The following SORL1 variants were observed in gnomAD, a reference collection of about 807,000 sequenced individuals.
SORL1 encodes sortilin related receptor 1, also known as sortilin-related receptor.
SORL1 carries 127 observed loss-of-function variants against 273.7 expected under a neutral mutation model. That is an observed-to-expected ratio of 0.46 (90% CI 0.40 to 0.54). The LOEUF (loss-of-function observed/expected upper bound fraction) is 0.54, where lower values mean the gene tolerates loss of function less well. Ranked by LOEUF, SORL1 falls within the 20% of genes least tolerant of loss-of-function variation. SORL1 has a pLI of 0.00. For missense variants in SORL1, 2,494 were observed against 2,846.1 expected, an observed-to-expected ratio of 0.88 and a Z score of 2.81; for synonymous variants, 1,031 against 1,067.4, an observed-to-expected ratio of 0.97 and a Z score of 0.66.
chr11:121,530,416 A>G (rs567604908), intron 11 of SORL1, among the ~76,000 whole-genome samples: 4 of 152,326 alleles, frequency 2.6e-5, no homozygotes, highest in Admixed American at 2.0e-4. Flanking sequence ...TTTATTGGAT[A>G]GAGAATTCTG....
At chr11:121,534,518 T>C (rs1862242748) in intron 12 of SORL1, among the ~76,000 whole-genome samples, 1 of 152,188 alleles carries the variant, frequency 6.6e-6, no homozygotes, top group Admixed American at 6.5e-5. Flanking sequence ...CATTTGGAGG[T>C]GTCTGTTTGA....
rs1861029520 is a variant in SORL1 at position 121,463,210 on chromosome 11, A to G, written c.286-6797A>G. Among the ~76,000 whole-genome samples, 4 of 151,924 alleles carry G rather than the reference A, an allele frequency of 2.6e-5. No homozygotes were observed. The South Asian group carries it at 6.2e-4, about 24-fold the overall frequency. On this transcript the variant is annotated intron_variant, in intron 1 of 47. Transcript: ENST00000260197. ...CTTAATCTCATTTGCAAAAGGTGGC[A>G]TTTCATTTAATTGTTCTCTGAGATT...
intron 12 of SORL1, among the ~76,000 whole-genome samples, chr11:121,540,178 C>T (rs1862325707): frequency 6.6e-6 from 1 of 152,096 alleles, no homozygotes; most frequent in African/African-American, 2.4e-5. Context: ...TGGGTAGCTG[C>T]CTGCTAGAGT....
At chr11:121,533,271 G>A (rs541510906) in intron 12 of SORL1, among the ~76,000 whole-genome samples, 9 of 152,130 alleles carry the variant, frequency 5.9e-5, no homozygotes, top group Non-Finnish European at 7.3e-5. Context: ...GCTGGAAGGG[G>A]TGTTTAGGGT....
intron 6 of SORL1, among the ~76,000 whole-genome samples, chr11:121,511,339 A>G (rs1483778248): frequency 6.6e-6 from 1 of 152,224 alleles, no homozygotes; most frequent in Admixed American, 6.5e-5. Flanking sequence ...CACTCTTTTT[A>G]AAGTTATACT....
intron 47 of SORL1, chr11:121,628,793 CTA>C (rs1354781795): frequency 1.3e-5 from 2 of 152,220 alleles, no homozygotes; most frequent in South Asian, 2.1e-4. Context: ...AATTATATAT[CTA>C]TGTTTATAAA....
Position 121,456,796 on chromosome 11 carries a change from G to A in SORL1, c.285+4180G>A, listed in dbSNP as rs183511498. ...TTTTAGAAGCCAGGGAGTATTCAGT[G>A]TCCTGATTTGAGACTGAAAATAAAG... On this transcript the variant is annotated intron_variant, in intron 1 of 47. Coordinates refer to ENST00000260197, the MANE Select transcript of SORL1 (RefSeq NM_003105.6). Among the ~76,000 whole-genome samples, 746 of 152,316 alleles carry A rather than the reference G, an allele frequency of 4.9e-3. 4 individuals carry two copies. The highest frequency in any genetic ancestry group is 7.6e-3 in the Non-Finnish European group (520 of 68,016).
chr11:121,499,498 A>G (rs1419650041), intron 6 of SORL1, among the ~76,000 whole-genome samples: 1 of 152,070 alleles, frequency 6.6e-6, no homozygotes, highest in Non-Finnish European at 1.5e-5. Flanking sequence ...AGTTTGAGAA[A>G]CTCTGCCCTG....
At chr11:121,508,978 T>A (rs1861829659) in intron 6 of SORL1, among the ~76,000 whole-genome samples, 1 of 152,224 alleles carries the variant, frequency 6.6e-6, no homozygotes, top group Non-Finnish European at 1.5e-5. Context: ...AATGCTGATA[T>A]GACCTCCCCA....
intron 5 of SORL1, among the ~76,000 whole-genome samples, chr11:121,495,971 C>CT (rs1861260759): frequency 6.6e-6 from 1 of 152,166 alleles, no homozygotes; most frequent in East Asian, 1.9e-4. Context: ...GTCTAAGAGG[C>CT]ATTACTGCAT....
intron 6 of SORL1, among the ~76,000 whole-genome samples, chr11:121,500,638 C>T (rs1861696476): frequency 6.6e-6 from 1 of 152,210 alleles, no homozygotes; most frequent in Non-Finnish European, 1.5e-5. Flanking sequence ...AGATAGTTGT[C>T]TGACTTCCTG....
chr11:121,612,428 T>G, intron 39 of SORL1: 1 of 232,226 alleles, frequency 4.3e-6, no homozygotes, highest in Non-Finnish European at 8.7e-6. Context: ...ATCTTTCCAG[T>G]GTTTCCTCTT....
intron 41 of SORL1, among the ~76,000 whole-genome samples, chr11:121,616,219 T>A (rs1863638036): frequency 6.6e-6 from 1 of 152,220 alleles, no homozygotes; most frequent in South Asian, 2.1e-4. Flanking sequence ...TGACTTGATT[T>A]AGGGTCTCCA....
chr11:121,598,010 GA>G (rs1263875993), intron 32 of SORL1, among the ~76,000 whole-genome samples: 7 of 152,168 alleles, frequency 4.6e-5, no homozygotes, highest in Admixed American at 4.6e-4. Context: ...AGAGGCATAA[GA>G]AAACAGACCT....
At chr11:121,481,808 C>G (rs1295916302) in intron 3 of SORL1, among the ~76,000 whole-genome samples, 1 of 146,218 alleles carries the variant, frequency 6.8e-6, no homozygotes, top group Non-Finnish European at 1.5e-5. Context: ...CCCTAGTGCA[C>G]AGATACCTAT....
At chr11:121,624,133 G>T (rs746757185) in intron 45 of SORL1, among the ~76,000 whole-genome samples, 1 of 152,246 alleles carries the variant, frequency 6.6e-6, no homozygotes, top group Non-Finnish European at 1.5e-5. Flanking sequence ...ATCTCTCACC[G>T]GGTCCCTCCC....
chr11:121,553,150 A>G (rs1029045716), intron 16 of SORL1, among the ~76,000 whole-genome samples: 7 of 152,110 alleles, frequency 4.6e-5, no homozygotes, highest in South Asian at 2.1e-4. Flanking sequence ...CTGGGTTCCA[A>G]TCTTGGTTCT....
chr11:121,604,259 T>C lies in SORL1; in HGVS notation c.4586T>C (p.Val1529Ala). 1 of 1,614,152 alleles carries C rather than the reference T, an allele frequency of 6.2e-7. No homozygotes were observed. The highest frequency in any genetic ancestry group is 8.5e-7 in the Non-Finnish European group (1 of 1,180,024). The change falls in exon 33 of 48, where the codon GTG becomes GCG. Residue 1529 changes from valine to alanine, a missense_variant. Coordinates refer to ENST00000260197, the MANE Select transcript of SORL1 (RefSeq NM_003105.6). ...FQCEDGEACIVLSERCDGFLD... is the reference protein window; with the variant it reads ...FQCEDGEACIALSERCDGFLD... ...TGCGAGGACGGGGAGGCCTGCATTG[T>C]GCTCTCGGAGCGCTGCGACGGCTTC...
At chr11:121,571,786 C>T (rs1488468232) in intron 23 of SORL1, among the ~76,000 whole-genome samples, 7 of 152,200 alleles carry the variant, frequency 4.6e-5, no homozygotes, top group African/African-American at 1.7e-4. Context: ...ATCGTTTTCC[C>T]TTGGATTCAG....
Sources: gnomAD v4.1 joint callset for allele counts (sites outside exome capture counted in the v4.1 genomes callset) on GRCh38, gnomAD v4.1.1 for gene constraint, MANE v1.5 for transcripts, NCBI Gene and HGNC (gene_info 2026-07-23, HGNC 2026-07-21) for gene names.